The following ZDHHC7 variants were observed in gnomAD, a reference collection of about 807,000 sequenced individuals.
ZDHHC7 encodes the protein palmitoyltransferase ZDHHC7.
In ZDHHC7, 12 loss-of-function variants were observed where a neutral mutation model predicts 34.1. The observed-to-expected ratio is 0.35, with a 90% CI of 0.23 to 0.57. The LOEUF (loss-of-function observed/expected upper bound fraction) is 0.57, where lower values mean the gene tolerates loss of function less well. ZDHHC7 is among the 20% of genes least tolerant of loss of function. The pLI, the probability that ZDHHC7 is intolerant of heterozygous loss-of-function variation, is 0.84. For missense variants in ZDHHC7, 388 were observed against 402.7 expected, an observed-to-expected ratio of 0.96 and a Z score of 0.31; for synonymous variants, 185 against 155.4, an observed-to-expected ratio of 1.19 and a Z score of -1.42.
the ZDHHC7 span, among the ~76,000 whole-genome samples, chr16:85,018,524 C>T: frequency 4.6e-5 from 7 of 151,956 alleles, no homozygotes; most frequent in East Asian, 3.9e-4. Context: ...CTCAGCTCAC[C>T]GCAACCTCCA....
chr16:85,006,002 A>G (rs2072712425), intron 1 of ZDHHC7, among the ~76,000 whole-genome samples: 1 of 152,188 alleles, frequency 6.6e-6, no homozygotes, highest in Non-Finnish European at 1.5e-5. Context: ...GTACCTCTGC[A>G]GAACGCTAAC....
rs189037041 is a variant in ZDHHC7, at chr16:84,995,402, G to A, written c.-18+520C>T. 2.8e-3 allele frequency among the ~76,000 whole-genome samples: 432 copies of A among 152,304 alleles called. 2 individuals carry two copies. The Middle Eastern group carries it at 0.031, about 11-fold the overall frequency. ...GCACTTTGGGAGGCCAAGGCGAGTG[G>A]ATCACTTGTGGTCAGGAGTTCAAGA... On this transcript the variant is annotated intron_variant, in intron 2 of 7. Coordinates refer to ENST00000313732, the MANE Select transcript of ZDHHC7 (RefSeq NM_017740.3).
intron 1 of ZDHHC7, among the ~76,000 whole-genome samples, chr16:84,999,714 A>C (rs1326699954): frequency 6.6e-6 from 1 of 152,196 alleles, no homozygotes; most frequent in Non-Finnish European, 1.5e-5. Flanking sequence ...AGTAGAAGTG[A>C]CTGTGGAGAG....
At chr16:84,998,864 T>C (rs1292145754) in intron 1 of ZDHHC7, among the ~76,000 whole-genome samples, 1 of 151,278 alleles carries the variant, frequency 6.6e-6, no homozygotes. Context: ...AGCAATTCTC[T>C]TGCCTCAGCC....
chr16:85,011,784 C>T (rs973951523), upstream of ZDHHC7, among the ~76,000 whole-genome samples: 1 of 152,220 alleles, frequency 6.6e-6, no homozygotes, highest in African/African-American at 2.4e-5. Flanking sequence ...GGCTGCGGAA[C>T]CGGGTTGGGA....
intron 3 of ZDHHC7, 48 bp downstream of exon 3, chr16:84,990,256 A>C (rs1387583703): frequency 6.3e-7 from 1 of 1,591,802 alleles, no homozygotes; most frequent in East Asian, 2.2e-5. Context: ...ACCCGAGGAC[A>C]CTAGACCAGA....
chr16:84,981,207 G>C lies in ZDHHC7; in HGVS notation c.440+663C>G, dbSNP rs758244922. ...AGGAACTGGCAAATGTGGGGGAAGA[G>C]GATAAAATGCAACCAAGACCAGCAG... is the stretch of plus-strand genomic sequence containing the variant. On this transcript the variant is annotated intron_variant, in intron 4 of 7. Coordinates refer to ENST00000313732, the MANE Select transcript of ZDHHC7 (RefSeq NM_017740.3). 2.9e-4 allele frequency among the ~76,000 whole-genome samples: 44 copies of C among 152,168 alleles called. 2 individuals are homozygous for C. Among genetic ancestry groups the C allele is most frequent in the Non-Finnish European group, 1.0e-4 (7 of 68,040 alleles).
chr16:85,012,007 C>G (rs1001100037), upstream of ZDHHC7, among the ~76,000 whole-genome samples: 3 of 152,234 alleles, frequency 2.0e-5, no homozygotes, highest in Non-Finnish European at 2.9e-5. Flanking sequence ...AGCCCCCGGC[C>G]TCCTCCTTGA....
chr16:85,027,538 C>T, the ZDHHC7 span, among the ~76,000 whole-genome samples: 8 of 152,222 alleles, frequency 5.3e-5, no homozygotes, highest in Non-Finnish European at 8.8e-5. Flanking sequence ...CTCCCAGAGT[C>T]CGAGAACACC....
chr16:84,990,660 T>C, intron 2 of ZDHHC7, 25 bp from the exon 3 acceptor site: 1 of 1,583,780 alleles, frequency 6.3e-7, no homozygotes, highest in Non-Finnish European at 8.6e-7. Context: ...GACACAGAGC[T>C]GGTAAGGCTC....
chr16:84,974,873 G>C lies in ZDHHC7; in HGVS notation c.*1470C>G, dbSNP rs1162117128. The C allele has an allele frequency of 1.3e-5, 2 of 152,698 alleles. No homozygotes were observed. The allele number at this position is 152,698 out of a possible 1,614,324, so 9.5% of individuals were successfully genotyped here. A position where few individuals can be genotyped will look rare whatever the true frequency, so the allele number is the denominator to read the frequency against. On this transcript the variant is annotated 3_prime_UTR_variant, in exon 8 of 8. Coordinates refer to ENST00000313732, the MANE Select transcript of ZDHHC7 (RefSeq NM_017740.3). ...TTGTGGTTTTGCATCAGCAGTGGTA[G>C]AAGCCCTGATTCGGATGGGGTACAG...
At chr16:85,024,375 G>A in the ZDHHC7 span, among the ~76,000 whole-genome samples, 1 of 151,552 alleles carries the variant, frequency 6.6e-6, no homozygotes, top group East Asian at 1.9e-4. Flanking sequence ...AGGATTATAG[G>A]CACGCGCCAC....
chr16:85,002,543 G>GC (rs557010719), intron 1 of ZDHHC7, among the ~76,000 whole-genome samples: 266 of 152,270 alleles, frequency 1.7e-3, no homozygotes, highest in Admixed American at 3.6e-3. Context: ...GCTCCCAAGT[G>GC]CCAGTCATCC....
intron 1 of ZDHHC7, among the ~76,000 whole-genome samples, chr16:85,002,923 C>T (rs2072671876): frequency 6.6e-6 from 1 of 151,986 alleles, no homozygotes; most frequent in Non-Finnish European, 1.5e-5. Context: ...GAGGCGGCGG[C>T]CAAGAGGGGC....
At chr16:85,001,736 G>A (rs1311469201) in intron 1 of ZDHHC7, among the ~76,000 whole-genome samples, 2 of 152,086 alleles carry the variant, frequency 1.3e-5, no homozygotes, top group Non-Finnish European at 2.9e-5. Flanking sequence ...CCCAGATCTT[G>A]GTTTGTTGTT....
In ZDHHC7 at chr16:84,975,803, A is replaced by C. The variant is rs1218119028; in HGVS notation, c.*540T>G. On this transcript the variant is annotated 3_prime_UTR_variant, in exon 8 of 8. Coordinates refer to ENST00000313732, the MANE Select transcript of ZDHHC7 (RefSeq NM_017740.3). ...GGATGTCTCTTCCGGGGCAGCGGGG[A>C]GTGTGCCGGAAGCCACCTTCACTGT... is the stretch of plus-strand genomic sequence containing the variant. The C allele has an allele frequency of 1.9e-5, 3 of 155,646 alleles. No homozygotes were observed. Among genetic ancestry groups the C allele is most frequent in the Non-Finnish European group, 2.8e-5 (2 of 70,356 alleles). The allele number at this position is 155,646 out of a possible 1,614,324, so 9.6% of individuals were successfully genotyped here. A position where few individuals can be genotyped will look rare whatever the true frequency, so the allele number is the denominator to read the frequency against.
Position 84,981,478 on chromosome 16 carries a change from G to A in ZDHHC7, c.440+392C>T, listed in dbSNP as rs530029081. On this transcript the variant is annotated intron_variant, in intron 4 of 7. Transcript: ENST00000313732. ...CTGGAAGAACCCAGAGCAGGAGTGA[G>A]GGGAAGGTTCTGAGCCTTTCTTCTG... Among the ~76,000 whole-genome samples the A allele has an allele frequency of 2.0e-5, 3 of 152,354 alleles. No homozygotes were observed. The East Asian group carries it at 5.8e-4, about 29-fold the overall frequency.
At chr16:84,986,358 C>T (rs1224105661) in intron 3 of ZDHHC7, among the ~76,000 whole-genome samples, 1 of 152,218 alleles carries the variant, frequency 6.6e-6, no homozygotes, top group Non-Finnish European at 1.5e-5. Flanking sequence ...GGATGCTACA[C>T]CTACGTCCCA....
chr16:85,023,075 C>G, the ZDHHC7 span, among the ~76,000 whole-genome samples: 1 of 152,218 alleles, frequency 6.6e-6, no homozygotes, highest in East Asian at 1.9e-4. Flanking sequence ...CCTAGAGCCT[C>G]TGAAAGGAAC....
Sources: allele counts gnomAD v4.1 joint callset (sites outside exome capture counted in the v4.1 genomes callset), GRCh38; gene constraint gnomAD v4.1.1; transcripts MANE v1.5; gene names NCBI Gene and HGNC (gene_info 2026-07-23, HGNC 2026-07-21).